WIPF3: variants seen among roughly 807,000 people sequenced by gnomAD.
The protein encoded by WIPF3 is WAS/WASL-interacting protein family member 3.
WIPF3 carries 33 observed loss-of-function variants against 38.9 expected under a neutral mutation model. The ratio of observed to expected loss-of-function variants is 0.85; its 90% confidence interval spans 0.64 to 1.14. The LOEUF (loss-of-function observed/expected upper bound fraction) is 1.14. WIPF3 is among the 50% of genes most tolerant of loss of function. The pLI, the probability that WIPF3 is intolerant of heterozygous loss-of-function variation, is 0.00. For missense variants in WIPF3, 711 were observed against 652.5 expected, an observed-to-expected ratio of 1.09 and a Z score of -0.98; for synonymous variants, 324 against 269.3, an observed-to-expected ratio of 1.20 and a Z score of -1.99.
chr7:29,909,616 G>A (rs1786466081), intron 8 of WIPF3, among the ~76,000 whole-genome samples: 1 of 152,150 alleles, frequency 6.6e-6, no homozygotes, highest in African/African-American at 2.4e-5. Context: ...AGAAAATCTG[G>A]CTGGGCATGG....
intron 1 of WIPF3, among the ~76,000 whole-genome samples, chr7:29,825,360 A>AT (rs1364819511): frequency 6.6e-6 from 1 of 152,222 alleles, no homozygotes; most frequent in Admixed American, 6.5e-5. Context: ...AGGAAAAAAA[A>AT]TATTAAGCTC....
intron 1 of WIPF3, among the ~76,000 whole-genome samples, chr7:29,818,558 T>A (rs1784491404): frequency 6.7e-6 from 1 of 148,834 alleles, no homozygotes; most frequent in Non-Finnish European, 1.5e-5. Context: ...TATGTATACT[T>A]ATTTAATTTA....
intron 2 of WIPF3, among the ~76,000 whole-genome samples, chr7:29,840,604 T>C (rs1405578757): frequency 2.0e-5 from 3 of 152,178 alleles, no homozygotes; most frequent in South Asian, 2.1e-4. Context: ...GTTAAAACTT[T>C]TTATAATCAG....
At chr7:29,837,529 A>G (rs1468861639) in intron 2 of WIPF3, among the ~76,000 whole-genome samples, 1 of 152,242 alleles carries the variant, frequency 6.6e-6, no homozygotes, top group Non-Finnish European at 1.5e-5. Context: ...CATAATAAAA[A>G]TAATTGTACA....
chr7:29,839,262 G>GT (rs1314185048), intron 2 of WIPF3, among the ~76,000 whole-genome samples: 2 of 152,120 alleles, frequency 1.3e-5, no homozygotes, highest in Admixed American at 1.3e-4. Flanking sequence ...AATTTAAAAG[G>GT]TTAAAAGAGA....
chr7:29,899,672 A>G (rs891598635), intron 7 of WIPF3, among the ~76,000 whole-genome samples: 5 of 152,252 alleles, frequency 3.3e-5, no homozygotes, highest in Non-Finnish European at 7.3e-5. Context: ...GAGCCACACA[A>G]TGGAACGCTA....
chr7:29,903,713 T>G (rs952196482), intron 7 of WIPF3, among the ~76,000 whole-genome samples: 1 of 150,440 alleles, frequency 6.6e-6, no homozygotes, highest in African/African-American at 2.5e-5. Flanking sequence ...AAAAAAAAAT[T>G]GAAGAGATAA....
At chr7:29,884,679 G>A (rs1376229276) in intron 5 of WIPF3, 86 bp downstream of exon 5, 23 of 1,464,216 alleles carry the variant, frequency 1.6e-5, no homozygotes, top group African/African-American at 5.7e-5. Flanking sequence ...GGAGGTATTC[G>A]TTTCAGAGAT....
Position 29,914,584 on chromosome 7 carries a change from C to A in WIPF3, c.*68C>A. 1.7e-6 allele frequency: 2 copies of A among 1,208,834 alleles called. No individual in the cohort carries two copies. The highest frequency in any genetic ancestry group is 2.2e-6 in the Non-Finnish European group (2 of 902,832). The allele number at this position is 1,208,834 out of a possible 1,614,324, so 74.9% of individuals were successfully genotyped here. A position where few individuals can be genotyped will look rare whatever the true frequency, so the allele number is the denominator to read the frequency against. ...ACAACATGTCAGACCCCACCCACCCCATGCTCAAGCTGTAATTCAGTTGGC... is the reference window on the plus strand; with the variant it reads ...ACAACATGTCAGACCCCACCCACCCAATGCTCAAGCTGTAATTCAGTTGGC... On this transcript the variant is annotated 3_prime_UTR_variant, in exon 9 of 9. Transcript: ENST00000242140.
At chr7:29,903,885 C>T (rs1235013160) in intron 7 of WIPF3, among the ~76,000 whole-genome samples, 6 of 152,072 alleles carry the variant, frequency 3.9e-5, no homozygotes, top group Non-Finnish European at 7.4e-5. Flanking sequence ...AATACTTAAG[C>T]ACAGCACACT....
At chr7:29,895,725 C>G (rs924015911) in intron 7 of WIPF3, among the ~76,000 whole-genome samples, 1 of 152,036 alleles carries the variant, frequency 6.6e-6, no homozygotes, top group Non-Finnish European at 1.5e-5. Flanking sequence ...CGTGACGGAG[C>G]GGAGCAACAG....
intron 3 of WIPF3, among the ~76,000 whole-genome samples, chr7:29,877,617 TGATGGTAATG>T (rs779467941): frequency 3.3e-5 from 5 of 152,208 alleles, no homozygotes; most frequent in Admixed American, 6.5e-5. Context: ...GTGTCAGGAA[TGATGGTAATG>T]GACAAACCAC....
At chr7:29,853,672 C>G (rs1785141796) in intron 2 of WIPF3, among the ~76,000 whole-genome samples, 1 of 152,224 alleles carries the variant, frequency 6.6e-6, no homozygotes, top group African/African-American at 2.4e-5. Flanking sequence ...TCCTGTGTTG[C>G]CATCCCAGAA....
chr7:29,903,305 A>G (rs560905383), intron 7 of WIPF3, among the ~76,000 whole-genome samples: 1 of 152,172 alleles, frequency 6.6e-6, no homozygotes, highest in Admixed American at 6.5e-5. Context: ...AAAATAAAAT[A>G]AAATGAAAAA....
chr7:29,857,178 C>T (rs1287587407), intron 2 of WIPF3, among the ~76,000 whole-genome samples: 1 of 152,100 alleles, frequency 6.6e-6, no homozygotes, highest in Admixed American at 6.5e-5. Flanking sequence ...GGAACTCACA[C>T]ACCTCCCTCA....
intron 5 of WIPF3, among the ~76,000 whole-genome samples, chr7:29,885,260 A>T (rs1785849922): frequency 6.6e-6 from 1 of 152,164 alleles, no homozygotes; most frequent in Non-Finnish European, 1.5e-5. Context: ...GATTTCCTTG[A>T]TCCCGCTAGT....
At position 29,884,361 on chromosome 7, in the gene WIPF3, T is replaced by TTC; in HGVS notation, c.867_868insTC (p.Pro290SerfsTer85). ...GCCCTGCGCAAGATGCGCAGGAGCC[T>TTC]CCCGCCCCGCCGCCCCCGCTCCCCC... On this transcript the variant is annotated frameshift_variant, in exon 5 of 9. Transcript: ENST00000242140. LOFTEE classifies it high-confidence loss of function. 7.6e-7 allele frequency: 1 copy of TTC among 1,317,928 alleles called. No homozygotes were observed. The highest frequency in any genetic ancestry group is 9.8e-7 in the Non-Finnish European group (1 of 1,017,962). The allele number at this position is 1,317,928 out of a possible 1,614,324, so 81.6% of individuals were successfully genotyped here. A position where few individuals can be genotyped will look rare whatever the true frequency, so the allele number is the denominator to read the frequency against.
At chr7:29,894,262 GAGA>G in intron 7 of WIPF3, among the ~76,000 whole-genome samples, 1 of 152,294 alleles carries the variant, frequency 6.6e-6, no homozygotes, top group East Asian at 1.9e-4. Flanking sequence ...TCCTCAAGAA[GAGA>G]AGAAAAGCTA....
chr7:29,827,398 G>A (rs1446335427), intron 1 of WIPF3, among the ~76,000 whole-genome samples: 2 of 152,156 alleles, frequency 1.3e-5, no homozygotes, highest in Non-Finnish European at 2.9e-5. Context: ...TCATCACCTG[G>A]AGAGAAGTTT....
Sources: allele counts gnomAD v4.1 joint callset (sites outside exome capture counted in the v4.1 genomes callset), GRCh38; gene constraint gnomAD v4.1.1; transcripts MANE v1.5; gene names NCBI Gene and HGNC (gene_info 2026-07-23, HGNC 2026-07-21).